The following SLC8A1 variants were observed in gnomAD, a reference collection of about 807,000 sequenced individuals.
The protein encoded by SLC8A1 is sodium/calcium exchanger 1.
In SLC8A1, 18 loss-of-function variants were observed where a neutral mutation model predicts 68.3. That is an observed-to-expected ratio of 0.26 (90% CI 0.18 to 0.39). SLC8A1 has a LOEUF of 0.39. SLC8A1 is among the 10% of genes least tolerant of loss of function. SLC8A1 has a pLI of 1.00. For missense variants in SLC8A1, 985 were observed against 1,156.7 expected (o/e 0.85, Z 2.15); for synonymous variants, 475 against 415.5 (o/e 1.14, Z -1.74).
At chr2:40,474,810 C>T (rs1406214185) in intron 1 of SLC8A1, among the ~76,000 whole-genome samples, 3 of 152,208 alleles carry the variant, frequency 2.0e-5, no homozygotes, top group Admixed American at 6.5e-5. Context: ...GATCATGAAA[C>T]TTTTCATTGG....
intron 1 of SLC8A1, among the ~76,000 whole-genome samples, chr2:40,473,580 G>C (rs1285548700): frequency 2.0e-5 from 3 of 152,092 alleles, no homozygotes; most frequent in East Asian, 3.9e-4. Flanking sequence ...CAACTTCCTA[G>C]AAGTGTGTCT....
At chr2:40,248,058 G>A (rs1176539502) in intron 2 of SLC8A1, among the ~76,000 whole-genome samples, 1 of 152,116 alleles carries the variant, frequency 6.6e-6, no homozygotes, top group Non-Finnish European at 1.5e-5. Context: ...TTTAAGGTAT[G>A]TTCTCTATTA....
intron 2 of SLC8A1, among the ~76,000 whole-genome samples, chr2:40,285,316 G>A (rs184033771): frequency 6.6e-6 from 1 of 152,214 alleles, no homozygotes; most frequent in East Asian, 1.9e-4. Flanking sequence ...TATAAGATAA[G>A]GGTTCTTTGT....
chr2:40,367,735 A>G (rs1228718172), intron 2 of SLC8A1, among the ~76,000 whole-genome samples: 1 of 152,016 alleles, frequency 6.6e-6, no homozygotes, highest in Non-Finnish European at 1.5e-5. Flanking sequence ...CCAGTACAAC[A>G]TGTAGCGAGA....
chr2:40,429,688 A>C, exon 2 of SLC8A1: 1 of 1,613,850 alleles, frequency 6.2e-7, no homozygotes, highest in Non-Finnish European at 8.5e-7. Context: ...CAAATGCTTA[A>C]TCTTCCTTGT....
chr2:40,331,949 T>TGGAGAGAAAAA (rs1482945693), intron 2 of SLC8A1, among the ~76,000 whole-genome samples: 4 of 152,080 alleles, frequency 2.6e-5, no homozygotes, highest in Non-Finnish European at 5.9e-5. Context: ...CATGTATTTA[T>TGGAGAGAAAAA]TTATTTTCAG....
At chr2:40,262,372 G>A (rs1223223732) in intron 2 of SLC8A1, among the ~76,000 whole-genome samples, 1 of 152,218 alleles carries the variant, frequency 6.6e-6, no homozygotes, top group African/African-American at 2.4e-5. Context: ...TTCTCCAGGT[G>A]AGAGGTTGGT....
chr2:40,282,881 A>G (rs1425007216), intron 2 of SLC8A1, among the ~76,000 whole-genome samples: 12 of 152,176 alleles, frequency 7.9e-5, no homozygotes, highest in Non-Finnish European at 1.8e-4. Flanking sequence ...ACTCCCAGTG[A>G]ATCTTGAAGA....
intron 2 of SLC8A1, among the ~76,000 whole-genome samples, chr2:40,244,512 A>G (rs2061595873): frequency 6.7e-6 from 1 of 148,410 alleles, no homozygotes; most frequent in Non-Finnish European, 1.5e-5. Context: ...TTGCTGTGAG[A>G]GAATGTTGTT....
At chr2:40,216,986 G>A (rs1402156323) in intron 2 of SLC8A1, among the ~76,000 whole-genome samples, 3 of 152,156 alleles carry the variant, frequency 2.0e-5, no homozygotes, top group Admixed American at 6.5e-5. Flanking sequence ...TTGCTATGCC[G>A]AAGCTTTTTA....
chr2:40,329,246 T>C (rs898048615), intron 2 of SLC8A1, among the ~76,000 whole-genome samples: 2 of 152,180 alleles, frequency 1.3e-5, no homozygotes, highest in Non-Finnish European at 2.9e-5. Context: ...CCAAATGTTA[T>C]CAGTTCCAAC....
intron 1 of SLC8A1, among the ~76,000 whole-genome samples, chr2:40,496,169 A>G (rs552536353): frequency 6.2e-4 from 95 of 152,188 alleles, no homozygotes; most frequent in African/African-American, 2.2e-3. Context: ...CCATCTGAGC[A>G]TATGACTCTG....
intron 2 of SLC8A1, among the ~76,000 whole-genome samples, chr2:40,287,634 G>A (rs2068562964): frequency 6.7e-6 from 1 of 149,792 alleles, no homozygotes; most frequent in Non-Finnish European, 1.5e-5. Flanking sequence ...GCAGGGACAA[G>A]GGGGCATCTT....
exon 2 of SLC8A1, chr2:40,429,540 C>A (rs1184975385): frequency 1.2e-6 from 2 of 1,613,686 alleles, no homozygotes; most frequent in Non-Finnish European, 1.7e-6. Flanking sequence ...CCCAAGCGAA[C>A]ACAACACAGA....
chr2:40,373,254 T>A (rs548351514), intron 2 of SLC8A1, among the ~76,000 whole-genome samples: 1 of 152,238 alleles, frequency 6.6e-6, no homozygotes, highest in East Asian at 1.9e-4. Context: ...TGATTCTATC[T>A]CTTTACTAAT....
exon 2 of SLC8A1, chr2:40,428,874 A>T (rs745362028): frequency 2.4e-5 from 38 of 1,613,712 alleles, no homozygotes; most frequent in Non-Finnish European, 3.2e-5. Context: ...TCTGGGTATC[A>T]CCAGGCTTAA....
chr2:40,104,258 C>T (rs2034066721), exon 8 of SLC8A1: 1 of 152,150 alleles, frequency 6.6e-6, no homozygotes, highest in Non-Finnish European at 1.5e-5. Flanking sequence ...AAAAGAGCAA[C>T]AGGCAGAGTT....
intron 1 of SLC8A1, among the ~76,000 whole-genome samples, chr2:40,485,715 C>T (rs1704926621): frequency 6.6e-6 from 1 of 152,028 alleles, no homozygotes; most frequent in Admixed American, 6.6e-5. Flanking sequence ...GAGTAATTAC[C>T]ACTTCAAAGA....
chr2:40,111,750 C>T (rs1340043491), exon 8 of SLC8A1: 1 of 152,074 alleles, frequency 6.6e-6, no homozygotes, highest in Non-Finnish European at 1.5e-5. Flanking sequence ...AGGAATATAA[C>T]ATATGAAACT....
Sources: allele counts gnomAD v4.1 joint callset (sites outside exome capture counted in the v4.1 genomes callset), GRCh38; gene constraint gnomAD v4.1.1; transcripts MANE v1.5; gene names NCBI Gene and HGNC (gene_info 2026-07-23, HGNC 2026-07-21).